The following FAM20C variants were observed in gnomAD, a reference collection of about 807,000 sequenced individuals.
FAM20C encodes the protein extracellular serine/threonine protein kinase FAM20C.
FAM20C carries 40 observed loss-of-function variants against 51.5 expected under a neutral mutation model. The observed-to-expected ratio is 0.78, with a 90% CI of 0.60 to 1.01. FAM20C has a LOEUF of 1.01. Ranked by LOEUF, FAM20C falls within the 50% of genes least tolerant of loss-of-function variation. The pLI, the probability that FAM20C is intolerant of heterozygous loss-of-function variation, is 0.00. For synonymous variants in FAM20C, 406 were observed against 380.6 expected, an observed-to-expected ratio of 1.07 and a Z score of -0.78; for missense variants, 861 against 844.7, an observed-to-expected ratio of 1.02 and a Z score of -0.24.
intron 3 of FAM20C, among the ~76,000 whole-genome samples, chr7:240,860 G>T (rs1424653812): frequency 3.3e-5 from 5 of 152,212 alleles, no homozygotes; most frequent in African/African-American, 1.2e-4. Context: ...GACAGACCAT[G>T]GCAGGGCTGG....
intron 9 of FAM20C, 47 bp from the exon 10 acceptor site, chr7:259,684 G>A (rs1433953164): frequency 4.7e-6 from 7 of 1,477,290 alleles, no homozygotes; most frequent in Non-Finnish European, 6.3e-6. Flanking sequence ...CCGTGGGCAG[G>A]CATCTCCCCT....
intron 2 of FAM20C, among the ~76,000 whole-genome samples, chr7:207,990 C>G (rs1412177228): frequency 6.6e-5 from 10 of 152,262 alleles, no homozygotes. Context: ...CACACCCCAG[C>G]GAGTCCTTGC....
chr7:246,411 T>C lies in FAM20C; in HGVS notation c.864-4T>C. 8 of 1,384,812 alleles carry C rather than the reference T, an allele frequency of 5.8e-6. No individual in the cohort carries two copies. Among genetic ancestry groups the C allele is most frequent in the Non-Finnish European group, 6.6e-6 (7 of 1,062,826 alleles). The allele number at this position is 1,384,812 out of a possible 1,614,324, so 85.8% of individuals were successfully genotyped here. On this transcript the variant is annotated splice_polypyrimidine_tract_variant and splice_region_variant and intron_variant, in intron 3 of 9. Transcript: ENST00000313766. ...CCGTTTCTGTTTCTGTCTTGTTTTC[T>C]CAGACAAACGAGGGAGCAGGAGACA... is the stretch of plus-strand genomic sequence containing the variant.
chr7:254,101 G>A (rs140539433), intron 5 of FAM20C, among the ~76,000 whole-genome samples: 4,722 of 151,954 alleles, frequency 0.031, 94 homozygotes, highest in Middle Eastern at 0.044. Flanking sequence ...TGATCGGGGC[G>A]TTGGAACCAG....
chr7:251,694 G>A lies in FAM20C; in HGVS notation c.1072+3264G>A, dbSNP rs566426719. On this transcript the variant is annotated intron_variant, in intron 5 of 9. Transcript: ENST00000313766. ...GCGGCCATCGACCACCTTTGGTGCC[G>A]TTGCTGGAATCCCTTCTCACGTCTC... is the stretch of plus-strand genomic sequence containing the variant. 1.2e-4 allele frequency among the ~76,000 whole-genome samples: 18 copies of A among 152,270 alleles called. No homozygotes were observed. The South Asian group carries it at 1.9e-3, about 16-fold the overall frequency.
rs868108937 is a variant in FAM20C, at chr7:206,809, C to T, written c.785-2089C>T. Among the ~76,000 whole-genome samples the T allele has an allele frequency of 6.5e-4, 78 of 119,950 alleles. 1 individual carries two copies. The highest frequency in any genetic ancestry group is 1.9e-4 in the Non-Finnish European group (11 of 57,770). The allele number at this position is 119,950 out of a possible 152,430, so 78.7% of individuals were successfully genotyped here. A position where few individuals can be genotyped will look rare whatever the true frequency, so the allele number is the denominator to read the frequency against. On this transcript the variant is annotated intron_variant, in intron 2 of 9. Transcript: ENST00000313766. ...CCCCGCACACGTGTCCACTGTGACG[C>T]GTCGGTCACTGTCCCCTCGGCCCCG...
At chr7:194,749 G>C (rs952135786) in intron 1 of FAM20C, among the ~76,000 whole-genome samples, 3 of 151,650 alleles carry the variant, frequency 2.0e-5, no homozygotes, top group African/African-American at 4.9e-5. Context: ...CCAGAGCAGC[G>C]AGTGGCCAGG....
intron 3 of FAM20C, among the ~76,000 whole-genome samples, chr7:234,240 G>A (rs1227746962): frequency 6.6e-6 from 1 of 152,390 alleles, no homozygotes; most frequent in East Asian, 1.9e-4. Context: ...CGTGCCCTCA[G>A]TGGGACGCTG....
chr7:252,607 A>G (rs1321669918), intron 5 of FAM20C, among the ~76,000 whole-genome samples: 3 of 152,218 alleles, frequency 2.0e-5, no homozygotes, highest in Non-Finnish European at 4.4e-5. Context: ...CCGTGGGGTC[A>G]ATCAGAAAAG....
rs1250697985 is a variant in FAM20C, at chr7:231,655, G to A, written c.864-14760G>A. ...GGAGGCTGCCTGCCTGTTTCCAGGA[G>A]GGTGAGCAGGAGGCCTTAGGCACAG... On this transcript the variant is annotated intron_variant, in intron 3 of 9. Transcript: ENST00000313766. Among the ~76,000 whole-genome samples, 3 of 152,158 alleles carry A rather than the reference G, an allele frequency of 2.0e-5. No individual in the cohort carries two copies. The South Asian group carries it at 6.2e-4, about 31-fold the overall frequency.
intron 3 of FAM20C, among the ~76,000 whole-genome samples, chr7:240,565 A>C (rs1787912807): frequency 6.6e-6 from 1 of 152,008 alleles, no homozygotes; most frequent in Admixed American, 6.6e-5. Context: ...ACATTGATAG[A>C]AATGGAAGGA....
At chr7:199,119 G>A (rs1786017339) in intron 2 of FAM20C, among the ~76,000 whole-genome samples, 1 of 152,242 alleles carries the variant, frequency 6.6e-6, no homozygotes, top group South Asian at 2.1e-4. Context: ...TGTCCTAGAA[G>A]GGGGCTGACC....
chr7:256,922 C>A, intron 7 of FAM20C, 83 bp from the exon 8 acceptor site: 1 of 1,469,722 alleles, frequency 6.8e-7, no homozygotes, highest in South Asian at 1.2e-5. Context: ...CAGGAGGAGA[C>A]GCCGCTCTGC....
At chr7:200,914 G>C (rs1583280331) in intron 2 of FAM20C, among the ~76,000 whole-genome samples, 1 of 152,190 alleles carries the variant, frequency 6.6e-6, no homozygotes, top group South Asian at 2.1e-4. Flanking sequence ...CTTGATGCCA[G>C]CCCCAGGGTG....
At chr7:256,488 C>T in intron 6 of FAM20C, 166 bp from the exon 7 acceptor site, 1 of 640,656 alleles carries the variant, frequency 1.6e-6, no homozygotes, top group Non-Finnish European at 2.8e-6. Flanking sequence ...TCCGTCCCCT[C>T]CCACACCCGT....
chr7:243,771 G>T (rs1788029818), intron 3 of FAM20C, among the ~76,000 whole-genome samples: 1 of 151,982 alleles, frequency 6.6e-6, no homozygotes. Flanking sequence ...CCACCCAGGA[G>T]ACCTGGGCGC....
chr7:205,885 C>T (rs1050148703), intron 2 of FAM20C, among the ~76,000 whole-genome samples: 3 of 152,150 alleles, frequency 2.0e-5, no homozygotes, highest in African/African-American at 4.8e-5. Flanking sequence ...CCCAGCCAGC[C>T]GCCACCTGAG....
chr7:253,934 C>T (rs564368816), intron 5 of FAM20C, among the ~76,000 whole-genome samples: 1 of 152,232 alleles, frequency 6.6e-6, no homozygotes, highest in African/African-American at 2.4e-5. Context: ...AGCTCCTGCC[C>T]CGGTGGGGGC....
intron 5 of FAM20C, among the ~76,000 whole-genome samples, chr7:253,990 G>C (rs981287835): frequency 2.0e-5 from 3 of 152,210 alleles, no homozygotes; most frequent in Non-Finnish European, 4.4e-5. Context: ...ATCAGCACGA[G>C]ACAGGATTGC....
Sources: allele counts gnomAD v4.1 joint callset (sites outside exome capture counted in the v4.1 genomes callset), GRCh38; gene constraint gnomAD v4.1.1; transcripts MANE v1.5; gene names NCBI Gene and HGNC (gene_info 2026-07-23, HGNC 2026-07-21).